Variants in BAHCC1 observed in about 807,000 individuals in gnomAD.
The protein encoded by BAHCC1 is BAH domain and coiled-coil containing 1, also known as BAH and coiled-coil domain-containing protein 1.
A neutral mutation model predicts 88.2 loss-of-function variants in BAHCC1; 43 were observed. That is an observed-to-expected ratio of 0.49 (90% CI 0.38 to 0.63). The LOEUF (loss-of-function observed/expected upper bound fraction) is 0.63. Ranked by LOEUF, BAHCC1 falls within the 20% of genes least tolerant of loss-of-function variation. The pLI, the probability that BAHCC1 is intolerant of heterozygous loss-of-function variation, is 0.00. For synonymous variants in BAHCC1, 1,510 were observed against 745.5 expected (o/e 2.03, Z -16.71); for missense variants, 3,023 against 1,654.8 (o/e 1.83, Z -14.34).
chr17:81,412,041 G>A (rs140991661), intron 2 of BAHCC1, among the ~76,000 whole-genome samples: 18 of 152,384 alleles, frequency 1.2e-4, no homozygotes, highest in African/African-American at 4.1e-4. Context: ...GCTTCAGCTG[G>A]TGACCCCCAG....
intron 26 of BAHCC1, among the ~76,000 whole-genome samples, chr17:81,462,348 C>T (rs530532960): frequency 1.1e-4 from 17 of 152,320 alleles, no homozygotes; most frequent in African/African-American, 4.1e-4. Flanking sequence ...GTGGCGTGGC[C>T]AGCTGGAGAG....
chr17:81,409,434 C>T (rs57996451), intron 2 of BAHCC1, among the ~76,000 whole-genome samples: 25,441 of 152,130 alleles, frequency 0.17, 2,183 homozygotes, highest in Admixed American at 0.2. Flanking sequence ...TGGAGGGAGG[C>T]AGCCCACAGC....
chr17:81,453,948 T>C (rs2064696520), intron 14 of BAHCC1, among the ~76,000 whole-genome samples: 1 of 152,176 alleles, frequency 6.6e-6, no homozygotes. Flanking sequence ...CCCTCAGGCC[T>C]CAGAAGCCCA....
At chr17:81,448,166 A>G (rs1410122074) in intron 11 of BAHCC1, among the ~76,000 whole-genome samples, 22 of 152,118 alleles carry the variant, frequency 1.4e-4, no homozygotes, top group African/African-American at 5.1e-4. Context: ...CGTCCTGGCA[A>G]GGGGAGAGGA....
chr17:81,446,254 G>GTTTTTCCGTT (rs1177904343), intron 10 of BAHCC1, among the ~76,000 whole-genome samples: 2 of 152,304 alleles, frequency 1.3e-5, no homozygotes, highest in East Asian at 3.9e-4. Context: ...CTAGCAGAGG[G>GTTTTTCCGTT]TTTTTCCGTT....
chr17:81,413,188 G>A lies in BAHCC1; in HGVS notation c.178+13271G>A, dbSNP rs782671911. The A allele has an allele frequency of 2.4e-4, 100 of 413,986 alleles. No homozygotes were observed. In the Middle Eastern group the frequency reaches 3.1e-3, roughly 13 times the overall value. The allele number at this position is 413,986 out of a possible 1,614,324, so 25.6% of individuals were successfully genotyped here. A position where few individuals can be genotyped will look rare whatever the true frequency, so the allele number is the denominator to read the frequency against. ...GGCCGTCGGGACCCCACCCGTGGCTGTGGCTGCCTCCCCTGTGCTGACCAT... is the reference window on the plus strand; with the variant it reads ...GGCCGTCGGGACCCCACCCGTGGCTATGGCTGCCTCCCCTGTGCTGACCAT... On this transcript the variant is annotated intron_variant, in intron 2 of 27. Coordinates refer to ENST00000675386, the MANE Select transcript of BAHCC1 (RefSeq NM_001377448.1).
rs369520207 is a variant in BAHCC1, at chr17:81,403,961, A to G, written c.178+4044A>G. On this transcript the variant is annotated intron_variant, in intron 2 of 27. Transcript: ENST00000675386. ...CGGAGCCGCCGCGCTTTCTGTAGGAATATCCAGGTCACGTGAGTAATAAGG... is the reference window on the plus strand; with the variant it reads ...CGGAGCCGCCGCGCTTTCTGTAGGAGTATCCAGGTCACGTGAGTAATAAGG... Among the ~76,000 whole-genome samples, 44 of 152,366 alleles carry G rather than the reference A, an allele frequency of 2.9e-4. 4 individuals carry two copies. Among genetic ancestry groups the G allele is most frequent in the Admixed American group, 2.3e-3 (35 of 15,310 alleles).
Position 81,458,657 on chromosome 17 carries a change from C to G in BAHCC1, c.5380C>G (p.Arg1794Gly), listed in dbSNP as rs782228993. 6.9e-6 allele frequency: 5 copies of G among 720,760 alleles called. No homozygotes were observed. The highest frequency in any genetic ancestry group is 1.3e-5 in the Non-Finnish European group (5 of 387,174). 44.6% of individuals were successfully genotyped at this position (720,760 alleles called of 1,614,324 possible). Reference sequence around the variant, plus strand: ...GGCCCTGTCCATCACGCTGGCCACACGCAACGCCAAGGCCATCCTGGGGAA... The same window carrying G: ...GGCCCTGTCCATCACGCTGGCCACAGGCAACGCCAAGGCCATCCTGGGGAA... Reference protein sequence around the residue: ...NGALSITLATRNAKAILGKGR... With the variant: ...NGALSITLATGNAKAILGKGR... The change falls in exon 19 of 28, where the codon CGC becomes GGC. Residue 1794 changes from arginine (R) to glycine (G), a missense_variant. Physicochemically the swap from Arg to Gly is moderately radical, Grantham distance 125. Coordinates refer to ENST00000675386, the MANE Select transcript of BAHCC1 (RefSeq NM_001377448.1).
At chr17:81,400,156 G>T (rs2063796018) in intron 2 of BAHCC1, among the ~76,000 whole-genome samples, 1 of 151,930 alleles carries the variant, frequency 6.6e-6, no homozygotes, top group Admixed American at 6.5e-5. Context: ...GGCAGCCCCG[G>T]AGCCGGCTGA....
intron 2 of BAHCC1, among the ~76,000 whole-genome samples, chr17:81,416,282 G>T (rs1428865642): frequency 6.7e-6 from 1 of 148,194 alleles, no homozygotes; most frequent in Non-Finnish European, 1.5e-5. Flanking sequence ...GTGGGTGTAT[G>T]TGCATATGTG....
At chr17:81,415,749 G>A (rs540547085) in intron 2 of BAHCC1, 41 of 306,088 alleles carry the variant, frequency 1.3e-4, no homozygotes, top group African/African-American at 6.1e-4. Flanking sequence ...CACAGCGTGC[G>A]AAGCTGTCCC....
intron 4 of BAHCC1, among the ~76,000 whole-genome samples, chr17:81,441,535 T>A (rs961292611): frequency 4.6e-5 from 7 of 151,586 alleles, no homozygotes; most frequent in Non-Finnish European, 1.0e-4. Flanking sequence ...GGTGGCGGGC[T>A]CCTGTAGTCC....
rs372246778 is a variant in BAHCC1, at chr17:81,462,986, G to A, written c.7620+10G>A. ...GCAGTGCGACGGCAAGGTGAGGCCC[G>A]GACAGGTGTGGGGCCCAGCCCCCCT... On this transcript the variant is annotated intron_variant, in intron 27 of 27. Transcript: ENST00000675386. 4.5e-5 allele frequency: 35 copies of A among 778,206 alleles called. 1 individual carries two copies. The highest frequency in any genetic ancestry group is 3.5e-4 in the African/African-American group (21 of 59,176). The allele number at this position is 778,206 out of a possible 1,614,324, so 48.2% of individuals were successfully genotyped here.
intron 4 of BAHCC1, among the ~76,000 whole-genome samples, chr17:81,440,661 G>A (rs2064398653): frequency 6.6e-6 from 1 of 152,168 alleles, no homozygotes; most frequent in Admixed American, 6.5e-5. Context: ...CAGGGCAGCC[G>A]GGAGTGTGGA....
At chr17:81,432,547 A>AGGCCCACCCTCCCTCCCATTGCCG (rs2064273401) in intron 3 of BAHCC1, among the ~76,000 whole-genome samples, 1 of 33,282 alleles carries the variant, frequency 3.0e-5, no homozygotes, top group African/African-American at 1.2e-4. Flanking sequence ...ACCCATCACC[A>AGGCCCACCCTCCCTCCCATTGCCG]GGCCCACCCT....
At chr17:81,409,215 C>T (rs2063917625) in intron 2 of BAHCC1, among the ~76,000 whole-genome samples, 1 of 152,236 alleles carries the variant, frequency 6.6e-6, no homozygotes, top group Admixed American at 6.5e-5. Context: ...CTTCGTGTAG[C>T]ATCTTCAGTT....
In BAHCC1 at chr17:81,445,341, C is replaced by G; in HGVS notation, c.2836-13C>G. 1 of 769,140 alleles carries G rather than the reference C, an allele frequency of 1.3e-6. No individual in the cohort carries two copies. Among genetic ancestry groups the G allele is most frequent in the African/African-American group, 1.7e-5 (1 of 58,958 alleles). The allele number at this position is 769,140 out of a possible 1,614,324, so 47.6% of individuals were successfully genotyped here. ...ATCCTGAGCCTGACCGAGCTTGCCCCCATCCCTGACAGCGGAAGCCCGAAG... is the reference window on the plus strand; with the variant it reads ...ATCCTGAGCCTGACCGAGCTTGCCCGCATCCCTGACAGCGGAAGCCCGAAG... On this transcript the variant is annotated splice_polypyrimidine_tract_variant and intron_variant, in intron 9 of 27. Coordinates refer to ENST00000675386, the MANE Select transcript of BAHCC1 (RefSeq NM_001377448.1).
At position 81,462,778 on chromosome 17, in the gene BAHCC1, C is replaced by T; in HGVS notation, c.7422C>T (p.Tyr2474=). ...GMKGKARKLF[Y]KAIVRGEETL... is the part of the protein sequence containing the mutation. ...AGGGGAAGGCCCGGAAGCTGTTCTA[C>T]AAGGCCATCGTGCGGGGCGAGGAGA... is the stretch of plus-strand genomic sequence containing the variant. Residue 2474 remains tyrosine, a synonymous_variant, in exon 27 of 28, where the codon TAC becomes TAT. Coordinates refer to ENST00000675386, the MANE Select transcript of BAHCC1 (RefSeq NM_001377448.1). 1 of 777,588 alleles carries T rather than the reference C, an allele frequency of 1.3e-6. No homozygotes were observed. The highest frequency in any genetic ancestry group is 2.4e-6 in the Non-Finnish European group (1 of 416,204). 48.2% of individuals were successfully genotyped at this position (777,588 alleles called of 1,614,324 possible).
At position 81,442,717 on chromosome 17, in the gene BAHCC1, C is replaced by A; in HGVS notation, c.1368C>A (p.Gly456=). 1 of 775,754 alleles carries A rather than the reference C, an allele frequency of 1.3e-6. No homozygotes were observed. The highest frequency in any genetic ancestry group is 1.7e-5 in the African/African-American group (1 of 59,186). The allele number at this position is 775,754 out of a possible 1,614,324, so 48.1% of individuals were successfully genotyped here. A position where few individuals can be genotyped will look rare whatever the true frequency, so the allele number is the denominator to read the frequency against. ...AEGKGERRPG[G]FEAALNPRLK... is the part of the protein sequence containing the mutation. The stretch of plus-strand genomic sequence containing the variant: ...GCAAGGGCGAGCGGCGGCCTGGGGG[C>A]TTTGAGGCGGCCCTCAACCCCCGGC... The change falls in exon 5 of 28, where the codon GGC becomes GGA. Residue 456 remains glycine (G), a synonymous_variant. Coordinates refer to ENST00000675386, the MANE Select transcript of BAHCC1 (RefSeq NM_001377448.1).
Sources: allele counts gnomAD v4.1 joint callset (sites outside exome capture counted in the v4.1 genomes callset), GRCh38; gene constraint gnomAD v4.1.1; transcripts MANE v1.5; gene names NCBI Gene and HGNC (gene_info 2026-07-23, HGNC 2026-07-21).